The following ATG16L1 variants were observed in gnomAD, a reference collection of about 807,000 sequenced individuals.
ATG16L1 encodes autophagy related 16 like 1.
In ATG16L1, 37 loss-of-function variants were observed where a neutral mutation model predicts 88.5. That is an observed-to-expected ratio of 0.42 (90% CI 0.32 to 0.55). The LOEUF is 0.55. Among genes scored for constraint, ATG16L1 ranks in the 20% least tolerant of loss-of-function variants. The probability of loss-of-function intolerance (pLI) is 0.13; values close to 1 mark genes in which losing one functional copy is unlikely to be tolerated. For missense variants in ATG16L1, 554 were observed against 752.8 expected, an observed-to-expected ratio of 0.74 and a Z score of 3.09; for synonymous variants, 301 against 281.0, an observed-to-expected ratio of 1.07 and a Z score of -0.71.
At chr2:233,257,791 G>A (rs549556010) in intron 2 of ATG16L1, among the ~76,000 whole-genome samples, 1 of 152,102 alleles carries the variant, frequency 6.6e-6, no homozygotes, top group African/African-American at 2.4e-5. Flanking sequence ...TGGATCACAG[G>A]GTCAGGAGTT....
Position 233,274,182 on chromosome 2 carries a change from C to A in ATG16L1, c.851+405C>A. 3.3e-6 allele frequency: 3 copies of A among 921,978 alleles called. No individual in the cohort carries two copies. The Admixed American group carries it at 7.3e-5, about 22-fold the overall frequency. 57.1% of individuals were successfully genotyped at this position (921,978 alleles called of 1,614,324 possible). A position where few individuals can be genotyped will look rare whatever the true frequency, so the allele number is the denominator to read the frequency against. On this transcript the variant is annotated intron_variant, in intron 8 of 17. Transcript: ENST00000392017. ...TGCATGTTCCTAGGAATGCCGGGAGCCCTCAGAGCAGGGCTGCCAGGTTGA... is the reference window on the plus strand; with the variant it reads ...TGCATGTTCCTAGGAATGCCGGGAGACCTCAGAGCAGGGCTGCCAGGTTGA...
At position 233,294,358 on chromosome 2, in the gene ATG16L1, C is replaced by T. The variant is rs376974106; in HGVS notation, c.*8C>T. The T allele has an allele frequency of 2.7e-5, 43 of 1,612,448 alleles. No homozygotes were observed. Among genetic ancestry groups the T allele is most frequent in the Middle Eastern group, 3.3e-4 (2 of 6,080 alleles). The stretch of plus-strand genomic sequence containing the variant: ...CTGTGGGCACAGTACTGACGGGGCT[C>T]TCAGGGCTGGGAGGACCCCAGTGCC... On this transcript the variant is annotated 3_prime_UTR_variant, in exon 18 of 18. Coordinates refer to ENST00000392017, the MANE Select transcript of ATG16L1 (RefSeq NM_030803.7).
intron 14 of ATG16L1, among the ~76,000 whole-genome samples, chr2:233,291,632 G>A (rs747463363): frequency 6.6e-5 from 10 of 152,160 alleles, no homozygotes; most frequent in Non-Finnish European, 1.2e-4. Context: ...AGGGAGGTGC[G>A]TAGGGCCGTG....
At chr2:233,261,287 ATAGC>A (rs1301188736) in intron 2 of ATG16L1, among the ~76,000 whole-genome samples, 1 of 152,126 alleles carries the variant, frequency 6.6e-6, no homozygotes, top group Non-Finnish European at 1.5e-5. Flanking sequence ...AATCTGTTCT[ATAGC>A]TAGCCAGCTC....
intron 2 of ATG16L1, among the ~76,000 whole-genome samples, chr2:233,259,818 C>CA (rs1480945812): frequency 3.3e-5 from 5 of 152,166 alleles, no homozygotes; most frequent in African/African-American, 1.2e-4. Flanking sequence ...ATTGGTTCTC[C>CA]ACCCCCTAGC....
At position 233,275,533 on chromosome 2, in the gene ATG16L1, A is replaced by G. The variant is rs867680348; in HGVS notation, c.954+755A>G. On this transcript the variant is annotated intron_variant, in intron 9 of 17. Coordinates refer to ENST00000392017, the MANE Select transcript of ATG16L1 (RefSeq NM_030803.7). ...GCCGTAAAAATGGGATGGAATTTAT[A>G]TGGTGGGAGCTTTGGGTTCCAGGTA... The G allele has an allele frequency of 2.0e-5, 7 of 352,552 alleles. No individual in the cohort carries two copies. The East Asian group carries it at 4.4e-4, about 22-fold the overall frequency. The allele number at this position is 352,552 out of a possible 1,614,324, so 21.8% of individuals were successfully genotyped here. A position where few individuals can be genotyped will look rare whatever the true frequency, so the allele number is the denominator to read the frequency against.
At chr2:233,293,381 C>T (rs751059659) in intron 17 of ATG16L1, 24 bp downstream of exon 17, 1 of 1,600,404 alleles carries the variant, frequency 6.2e-7, no homozygotes, top group East Asian at 2.2e-5. Context: ...TGTCTCAGCC[C>T]CCCGTTGCGT....
At chr2:233,267,763 T>C (rs1238709260) in intron 5 of ATG16L1, among the ~76,000 whole-genome samples, 1 of 152,104 alleles carries the variant, frequency 6.6e-6, no homozygotes, top group Non-Finnish European at 1.5e-5. Context: ...GAGGGAGAAG[T>C]TGGGGAGATG....
intron 12 of ATG16L1, among the ~76,000 whole-genome samples, chr2:233,287,166 C>T (rs533081519): frequency 5.3e-5 from 8 of 152,158 alleles, no homozygotes; most frequent in Admixed American, 2.0e-4. Context: ...TAAGATAGCA[C>T]AAGGATGTTT....
In ATG16L1 at chr2:233,289,855, A is replaced by G; in HGVS notation, c.1205A>G (p.His402Arg). 2 of 1,614,096 alleles carry G rather than the reference A, an allele frequency of 1.2e-6. No homozygotes were observed. Among genetic ancestry groups the G allele is most frequent in the Non-Finnish European group, 8.5e-7 (1 of 1,179,958 alleles). ...CCCTGGCTGTGTTCTCTCTCCTAGCACACACTCACGGGACACAGTGGGAAA... is the reference window on the plus strand; with the variant it reads ...CCCTGGCTGTGTTCTCTCTCCTAGCGCACACTCACGGGACACAGTGGGAAA... ...IWTVDDYRLRHTLTGHSGKVL... is the reference protein window; with the variant it reads ...IWTVDDYRLRRTLTGHSGKVL... Residue 402 changes from histidine to arginine, a missense_variant and splice_region_variant, in exon 13 of 18, where the codon CAC becomes CGC. Coordinates refer to ENST00000392017, the MANE Select transcript of ATG16L1 (RefSeq NM_030803.7).
chr2:233,258,253 G>A (rs1696955947), intron 2 of ATG16L1, among the ~76,000 whole-genome samples: 1 of 152,140 alleles, frequency 6.6e-6, no homozygotes, highest in Non-Finnish European at 1.5e-5. Context: ...CACACATTTA[G>A]CAATTGTAAA....
chr2:233,256,855 C>T (rs1472611929), intron 2 of ATG16L1, among the ~76,000 whole-genome samples: 1 of 151,982 alleles, frequency 6.6e-6, no homozygotes, highest in Non-Finnish European at 1.5e-5. Flanking sequence ...GAACCCACCA[C>T]CACACCTGGC....
intron 2 of ATG16L1, among the ~76,000 whole-genome samples, chr2:233,259,074 A>T (rs1697015117): frequency 6.6e-6 from 1 of 152,068 alleles, no homozygotes; most frequent in South Asian, 2.1e-4. Flanking sequence ...AATCACTGAG[A>T]TGATGGGTTT....
intron 9 of ATG16L1, chr2:233,277,359 A>C: frequency 2.1e-6 from 1 of 481,148 alleles, no homozygotes; most frequent in Admixed American, 3.4e-5. Flanking sequence ...AGAAGGTTGC[A>C]CTGCACTCTA....
chr2:233,273,807 G>T, intron 8 of ATG16L1, 30 bp downstream of exon 8: 1 of 1,603,146 alleles, frequency 6.2e-7, no homozygotes, highest in Non-Finnish European at 8.5e-7. Context: ...CTTTTTAAAT[G>T]TGTATAAGTA....
At chr2:233,262,836 A>G (rs74545398) in intron 2 of ATG16L1, among the ~76,000 whole-genome samples, 6 of 152,182 alleles carry the variant, frequency 3.9e-5, no homozygotes, top group African/African-American at 1.4e-4. Flanking sequence ...TTGCTGAGCC[A>G]GTGGGCCCTG....
intron 3 of ATG16L1, 74 bp downstream of exon 3, chr2:233,263,309 A>C (rs1348604952): frequency 1.5e-6 from 2 of 1,350,506 alleles, no homozygotes; most frequent in Admixed American, 1.9e-5. Context: ...GAGCTCAGTC[A>C]CTTCTCACCA....
chr2:233,285,812 G>T (rs1699035594), intron 12 of ATG16L1, among the ~76,000 whole-genome samples: 3 of 152,192 alleles, frequency 2.0e-5, no homozygotes, highest in Non-Finnish European at 4.4e-5. Context: ...AGACATCCAT[G>T]CCCTGTTCGG....
At chr2:233,285,489 G>A (rs914314482) in intron 12 of ATG16L1, among the ~76,000 whole-genome samples, 1 of 152,230 alleles carries the variant, frequency 6.6e-6, no homozygotes, top group African/African-American at 2.4e-5. Flanking sequence ...CAGTATGCTG[G>A]AGCAGGGCGC....
Sources: gnomAD v4.1 joint callset for allele counts (sites outside exome capture counted in the v4.1 genomes callset) on GRCh38, gnomAD v4.1.1 for gene constraint, MANE v1.5 for transcripts, NCBI Gene and HGNC (gene_info 2026-07-23, HGNC 2026-07-21) for gene names.